The following RANBP2 variants were observed in gnomAD, a reference collection of about 807,000 sequenced individuals.
RANBP2 encodes RAN binding protein 2.
In RANBP2, 57 loss-of-function variants were observed where a neutral mutation model predicts 303.6. The ratio of observed to expected loss-of-function variants is 0.19; its 90% CI spans 0.15 to 0.23. RANBP2 has a LOEUF of 0.23. Ranked by LOEUF, RANBP2 falls within the 10% of genes least tolerant of loss-of-function variation. The pLI, the probability that RANBP2 is intolerant of heterozygous loss-of-function variation, is 1.00. For missense variants in RANBP2, 3,138 were observed against 3,780.8 expected, an observed-to-expected ratio of 0.83 and a Z score of 4.46; for synonymous variants, 1,167 against 1,301.5, an observed-to-expected ratio of 0.90 and a Z score of 2.23.
At chr2:108,985,410 G>A in the RANBP2 span, among the ~76,000 whole-genome samples, 5 of 152,254 alleles carry the variant, frequency 3.3e-5, no homozygotes, top group East Asian at 7.7e-4. Context: ...AAGCTGGCAT[G>A]AGCTCGCAGG....
the RANBP2 span, chr2:108,910,763 C>G: frequency 1.2e-6 from 2 of 1,612,460 alleles, no homozygotes; most frequent in Non-Finnish European, 1.7e-6. Context: ...TGTGGAAGCC[C>G]TGGTTCACAG....
the RANBP2 span, among the ~76,000 whole-genome samples, chr2:109,191,618 T>C: frequency 6.6e-6 from 1 of 152,084 alleles, no homozygotes; most frequent in Admixed American, 6.6e-5. Context: ...ATGAAGAAAG[T>C]GGAATTGCAG....
the RANBP2 span, among the ~76,000 whole-genome samples, chr2:109,149,491 A>G: frequency 6.6e-6 from 1 of 152,246 alleles, no homozygotes; most frequent in African/African-American, 2.4e-5. Flanking sequence ...GAATGGCTTC[A>G]AAGGAAGGCA....
At chr2:109,444,679 C>T in the RANBP2 span, among the ~76,000 whole-genome samples, 7 of 152,142 alleles carry the variant, frequency 4.6e-5, no homozygotes, top group Non-Finnish European at 8.8e-5. Flanking sequence ...GCCCATTAAA[C>T]CTAGTTCTAA....
the RANBP2 span, among the ~76,000 whole-genome samples, chr2:108,818,474 A>G: frequency 2.0e-5 from 3 of 152,196 alleles, no homozygotes; most frequent in Non-Finnish European, 4.4e-5. Context: ...TTAAGCCTAG[A>G]TCCTTTCAGT....
the RANBP2 span, among the ~76,000 whole-genome samples, chr2:108,951,312 G>T: frequency 1.3e-5 from 2 of 152,182 alleles, no homozygotes; most frequent in Non-Finnish European, 2.9e-5. Context: ...AGGTATTGAA[G>T]AAACTCTGAA....
chr2:109,398,478 T>G, the RANBP2 span: 1 of 958,862 alleles, frequency 1.0e-6, no homozygotes, highest in Non-Finnish European at 1.5e-6. Flanking sequence ...GTCTGACGGA[T>G]TTGAATGCAT....
At chr2:109,574,531 TTAAAAA>T in the RANBP2 span, 1 of 1,180,844 alleles carries the variant, frequency 8.5e-7, no homozygotes, top group South Asian at 2.7e-5. Context: ...ATTTTAACAG[TTAAAAA>T]TAAATATTAA....
chr2:109,551,621 A>C, the RANBP2 span, among the ~76,000 whole-genome samples: 1 of 152,228 alleles, frequency 6.6e-6, no homozygotes, highest in African/African-American at 2.4e-5. Context: ...GGTATCCTAT[A>C]CTTTCACTTT....
the RANBP2 span, among the ~76,000 whole-genome samples, chr2:109,343,716 G>C: frequency 1.3e-5 from 2 of 151,210 alleles, no homozygotes; most frequent in South Asian, 2.1e-4. Context: ...GTCTGCCCCT[G>C]CTTCTGCCCT....
chr2:109,694,538 C>T, the RANBP2 span, among the ~76,000 whole-genome samples: 1 of 151,856 alleles, frequency 6.6e-6, no homozygotes, highest in East Asian at 1.9e-4. Flanking sequence ...AAGCATAATG[C>T]AAATATTCCA....
the RANBP2 span, among the ~76,000 whole-genome samples, chr2:109,453,897 A>G: frequency 4.6e-5 from 7 of 152,214 alleles, no homozygotes. Context: ...AGCAGAGGCC[A>G]GGGGACATGG....
chr2:109,302,162 G>A, the RANBP2 span, among the ~76,000 whole-genome samples: 5 of 152,208 alleles, frequency 3.3e-5, no homozygotes, highest in South Asian at 1.0e-3. Flanking sequence ...ACACGGATCT[G>A]CAAAGCTGGC....
At chr2:109,639,718 A>AT in the RANBP2 span, among the ~76,000 whole-genome samples, 218 of 146,348 alleles carry the variant, frequency 1.5e-3, 1 homozygote, top group African/African-American at 3.2e-3. Context: ...ACAATACTAG[A>AT]TTTTTTTTTT....
chr2:109,637,529 C>T, the RANBP2 span, among the ~76,000 whole-genome samples: 1 of 152,184 alleles, frequency 6.6e-6, no homozygotes, highest in Admixed American at 6.5e-5. Flanking sequence ...GCAGAGTTCC[C>T]TGCGGCTTTC....
At chr2:109,530,508 G>A in the RANBP2 span, among the ~76,000 whole-genome samples, 31 of 152,338 alleles carry the variant, frequency 2.0e-4, no homozygotes, top group African/African-American at 7.5e-4. Context: ...TAAGAAAGTA[G>A]TGCAATAAGA....
At chr2:109,266,201 G>A in the RANBP2 span, among the ~76,000 whole-genome samples, 48 of 150,052 alleles carry the variant, frequency 3.2e-4, no homozygotes, top group African/African-American at 1.2e-3. Context: ...GTTGTGTGTT[G>A]TGTGCATATG....
At chr2:109,206,920 G>A in the RANBP2 span, among the ~76,000 whole-genome samples, 3 of 152,230 alleles carry the variant, frequency 2.0e-5, no homozygotes, top group South Asian at 2.1e-4. Context: ...TTGTGTTTGG[G>A]ATAGCATGTC....
chr2:109,078,111 TATATATA>T, the RANBP2 span, among the ~76,000 whole-genome samples: 244 of 85,416 alleles, frequency 2.9e-3, 33 homozygotes, highest in East Asian at 7.3e-3. Flanking sequence ...TATATATATA[TATATATA>T]GCGTGTATAT....
Sources: gnomAD v4.1 joint callset for allele counts (sites outside exome capture counted in the v4.1 genomes callset) on GRCh38, gnomAD v4.1.1 for gene constraint, MANE v1.5 for transcripts, NCBI Gene and HGNC (gene_info 2026-07-23, HGNC 2026-07-21) for gene names.